The following TUT4 variants were observed in gnomAD, a reference collection of about 807,000 sequenced individuals.
The protein encoded by TUT4 is terminal uridylyltransferase 4.
A neutral mutation model predicts 192.2 loss-of-function variants in TUT4; 36 were observed. The ratio of observed to expected loss-of-function variants is 0.19; its 90% CI spans 0.14 to 0.25. The LOEUF (loss-of-function observed/expected upper bound fraction) is 0.25. TUT4 is among the 10% of genes least tolerant of loss of function. The pLI, the probability that TUT4 is intolerant of heterozygous loss-of-function variation, is 1.00. For missense variants in TUT4, 1,493 were observed against 1,957.2 expected, an observed-to-expected ratio of 0.76 and a Z score of 4.47; for synonymous variants, 618 against 666.0, an observed-to-expected ratio of 0.93 and a Z score of 1.11.
intron 3 of TUT4, chr1:52,515,548 T>A: frequency 2.6e-6 from 1 of 389,942 alleles, no homozygotes; most frequent in Non-Finnish European, 4.6e-6. Flanking sequence ...ATAAACGACA[T>A]GTAAACAAAT....
chr1:52,485,002 T>C (rs1164467252), intron 9 of TUT4, among the ~76,000 whole-genome samples: 2 of 152,232 alleles, frequency 1.3e-5, no homozygotes, highest in African/African-American at 4.8e-5. Flanking sequence ...TGTATTTCTT[T>C]ACTGTTTGAC....
At chr1:52,504,101 A>G (rs1283347128) in intron 4 of TUT4, among the ~76,000 whole-genome samples, 1 of 152,232 alleles carries the variant, frequency 6.6e-6, no homozygotes, top group Non-Finnish European at 1.5e-5. Flanking sequence ...TGGCACCACA[A>G]ACTATGATAA....
chr1:52,484,947 C>G (rs1035733722), intron 9 of TUT4, among the ~76,000 whole-genome samples: 45 of 152,122 alleles, frequency 3.0e-4, no homozygotes, highest in African/African-American at 9.4e-4. Context: ...TTCATTCTAT[C>G]ATTTCATTTT....
At chr1:52,469,144 C>T (rs1664986733) in intron 14 of TUT4, among the ~76,000 whole-genome samples, 1 of 152,090 alleles carries the variant, frequency 6.6e-6, no homozygotes, top group Non-Finnish European at 1.5e-5. Flanking sequence ...TCAAAACCCA[C>T]AGAACTTTGC....
intron 1 of TUT4, among the ~76,000 whole-genome samples, chr1:52,541,617 A>G (rs1387184689): frequency 6.6e-6 from 1 of 152,224 alleles, no homozygotes; most frequent in Non-Finnish European, 1.5e-5. Flanking sequence ...TGTAGAAGCT[A>G]AAAGTGTAAA....
intron 4 of TUT4, among the ~76,000 whole-genome samples, chr1:52,499,907 C>T (rs1570994832): frequency 1.3e-5 from 2 of 151,080 alleles, no homozygotes; most frequent in East Asian, 3.9e-4. Flanking sequence ...CCCGTCTCTA[C>T]TAAATTAAAA....
intron 1 of TUT4, among the ~76,000 whole-genome samples, chr1:52,552,284 A>C (rs1005652106): frequency 6.6e-6 from 1 of 152,166 alleles, no homozygotes; most frequent in Non-Finnish European, 1.5e-5. Flanking sequence ...CGTGCAACAC[A>C]CTAGGAGAGC....
At chr1:52,440,217 G>A (rs1038145538) in intron 24 of TUT4, among the ~76,000 whole-genome samples, 1 of 152,114 alleles carries the variant, frequency 6.6e-6, no homozygotes, top group Non-Finnish European at 1.5e-5. Flanking sequence ...GCACAATCCT[G>A]TATATATATT....
At chr1:52,549,652 A>G (rs553982776) in intron 1 of TUT4, among the ~76,000 whole-genome samples, 15 of 152,366 alleles carry the variant, frequency 9.8e-5, no homozygotes, top group African/African-American at 3.4e-4. Context: ...ATACACCTGA[A>G]AAGCAACATC....
intron 4 of TUT4, among the ~76,000 whole-genome samples, chr1:52,508,320 C>CT (rs979151054): frequency 2.2e-5 from 3 of 136,966 alleles, no homozygotes; most frequent in African/African-American, 8.3e-5. Flanking sequence ...GAGTGAGACT[C>CT]TGTCTCCAAA....
chr1:52,537,943 CTAAT>C (rs1685396098), intron 1 of TUT4, among the ~76,000 whole-genome samples: 1 of 151,724 alleles, frequency 6.6e-6, no homozygotes, highest in South Asian at 2.1e-4. Context: ...AACAAACAAA[CTAAT>C]TAGACTGGCT....
chr1:52,513,699 C>G (rs901559721), intron 3 of TUT4, among the ~76,000 whole-genome samples: 1 of 152,124 alleles, frequency 6.6e-6, no homozygotes, highest in East Asian at 1.9e-4. Context: ...TTCCTTCTTT[C>G]AATAACAACT....
At chr1:52,518,298 TG>T (rs1431053249) in intron 2 of TUT4, among the ~76,000 whole-genome samples, 5 of 152,226 alleles carry the variant, frequency 3.3e-5, no homozygotes, top group Admixed American at 6.5e-5. Context: ...TACTACAGAC[TG>T]GGTGGCTTAA....
chr1:52,505,059 TG>T (rs1675164276), intron 4 of TUT4, among the ~76,000 whole-genome samples: 1 of 152,232 alleles, frequency 6.6e-6, no homozygotes, highest in Non-Finnish European at 1.5e-5. Context: ...AATATCTCTT[TG>T]AAACCCTGCT....
intron 20 of TUT4, among the ~76,000 whole-genome samples, chr1:52,448,945 T>C (rs374081854): frequency 1.4e-4 from 21 of 152,334 alleles, no homozygotes; most frequent in African/African-American, 5.1e-4. Flanking sequence ...GGAGTAGGTC[T>C]GTGGGCCTTG....
At chr1:52,493,733 C>T in intron 6 of TUT4, 71 bp from the exon 7 acceptor site, 2 of 896,706 alleles carry the variant, frequency 2.2e-6, no homozygotes, top group Non-Finnish European at 3.5e-6. Flanking sequence ...AAGGAAAACT[C>T]AATTTCATTA....
In TUT4 at chr1:52,525,884, T is replaced by C. The variant is rs1363985786; in HGVS notation, c.397A>G (p.Lys133Glu). Residue 133 changes from lysine (K) to glutamate (E), a missense_variant, in exon 2 of 30, where the codon AAG (lysine) becomes GAG (glutamate). By Grantham distance (56) the Lys-to-Glu change is moderately conservative (BLOSUM62 1). Transcript: ENST00000257177. ...TCTGCTTTCACTGAATTAGGTGACT[T>C]TGGTGATTTTTCTGCTTTTGCCTGT... ...SLQAKAEKSP[K>E]SPNSVKAEKA... The C allele has an allele frequency of 1.9e-6, 3 of 1,614,086 alleles. No homozygotes were observed. Among genetic ancestry groups the C allele is most frequent in the Non-Finnish European group, 1.7e-6 (2 of 1,180,012 alleles).
chr1:52,502,166 T>C (rs1235435276), intron 4 of TUT4, among the ~76,000 whole-genome samples: 1 of 150,684 alleles, frequency 6.6e-6, no homozygotes, highest in Non-Finnish European at 1.5e-5. Flanking sequence ...AAACCTTCAA[T>C]GCGCCGGTAA....
chr1:52,433,595 G>A (rs565670742), intron 27 of TUT4: 3 of 152,254 alleles, frequency 2.0e-5, no homozygotes, highest in Admixed American at 6.5e-5. Flanking sequence ...GACTCTTTCC[G>A]AAAGCACGGG....
Sources: allele counts gnomAD v4.1 joint callset (sites outside exome capture counted in the v4.1 genomes callset), GRCh38; gene constraint gnomAD v4.1.1; transcripts MANE v1.5; gene names NCBI Gene and HGNC (gene_info 2026-07-23, HGNC 2026-07-21).